Variants in DCLK2 observed in about 807,000 individuals in gnomAD.
DCLK2 encodes the protein serine/threonine-protein kinase DCLK2.
Under a neutral mutation model 78.4 loss-of-function variants are expected in DCLK2, and 31 were observed. The ratio of observed to expected loss-of-function variants is 0.40; its 90% CI spans 0.30 to 0.53. The LOEUF (loss-of-function observed/expected upper bound fraction) is 0.53, where lower values mean the gene tolerates loss of function less well. Among genes scored for constraint, DCLK2 ranks in the 20% least tolerant of loss-of-function variants. The pLI is 0.61. For synonymous variants in DCLK2, 407 were observed against 374.9 expected (o/e 1.09, Z -0.99); for missense variants, 872 against 973.7 (o/e 0.90, Z 1.39).
intron 5 of DCLK2, among the ~76,000 whole-genome samples, chr4:150,204,749 G>C (rs776189187): frequency 9.9e-5 from 15 of 151,982 alleles, no homozygotes; most frequent in Non-Finnish European, 1.2e-4. Flanking sequence ...AAAATTAGCC[G>C]GGCCTGGTGG....
At chr4:150,119,559 G>A (rs1324868125) in intron 2 of DCLK2, among the ~76,000 whole-genome samples, 1 of 152,178 alleles carries the variant, frequency 6.6e-6, no homozygotes, top group Non-Finnish European at 1.5e-5. Context: ...TTGTTTTATG[G>A]AAGAATACAT....
chr4:150,193,039 CAATACTT>C, intron 2 of DCLK2, 92 bp from the exon 3 acceptor site: 2 of 728,468 alleles, frequency 2.7e-6, no homozygotes, highest in Non-Finnish European at 4.8e-6. Context: ...TCTTCCACTT[CAATACTT>C]AAAATTCAGG....
At chr4:150,120,038 A>G (rs1400973137) in intron 2 of DCLK2, among the ~76,000 whole-genome samples, 1 of 152,226 alleles carries the variant, frequency 6.6e-6, no homozygotes, top group Non-Finnish European at 1.5e-5. Context: ...GCCTGCTGAT[A>G]GCAATTTGTA....
intron 2 of DCLK2, among the ~76,000 whole-genome samples, chr4:150,104,419 A>AAAAAAAAAAAAAAAAAAAC (rs1731102925): frequency 6.9e-6 from 1 of 145,754 alleles, no homozygotes; most frequent in African/African-American, 2.5e-5. Flanking sequence ...AAAAAAAAAA[A>AAAAAAAAAAAAAAAAAAAC]AAAATCGAGC....
chr4:150,108,268 G>T (rs1731411437), intron 2 of DCLK2, among the ~76,000 whole-genome samples: 1 of 151,958 alleles, frequency 6.6e-6, no homozygotes, highest in Non-Finnish European at 1.5e-5. Flanking sequence ...CAGCACTTTG[G>T]GATGCTGAGG....
In DCLK2 at chr4:150,256,353, G is replaced by C. The variant is rs553352770; in HGVS notation, c.*106G>C. 7.1e-7 allele frequency: 1 copy of C among 1,406,030 alleles called. No individual in the cohort carries two copies. The highest frequency in any genetic ancestry group is 9.3e-7 in the Non-Finnish European group (1 of 1,074,230). The allele number at this position is 1,406,030 out of a possible 1,614,324, so 87.1% of individuals were successfully genotyped here. A position where few individuals can be genotyped will look rare whatever the true frequency, so the allele number is the denominator to read the frequency against. On this transcript the variant is annotated 3_prime_UTR_variant, in exon 16 of 16. Coordinates refer to ENST00000296550, the MANE Select transcript of DCLK2 (RefSeq NM_001040260.4). ...AGGCCTCCCTCTCTTCACCGCCTGCGCCTGAGTTCGCGGGTCCTCCGCAGG... is the reference window on the plus strand; with the variant it reads ...AGGCCTCCCTCTCTTCACCGCCTGCCCCTGAGTTCGCGGGTCCTCCGCAGG...
chr4:150,146,249 TG>T (rs1734464112), intron 2 of DCLK2, among the ~76,000 whole-genome samples: 1 of 152,252 alleles, frequency 6.6e-6, no homozygotes, highest in African/African-American at 2.4e-5. Context: ...ACTCAAGGTC[TG>T]GTCCATGGGC....
rs949808940 is a variant in DCLK2, at chr4:150,247,622, G to C, written c.1798G>C (p.Asp600His). 2 of 1,614,030 alleles carry C rather than the reference G, an allele frequency of 1.2e-6. No homozygotes were observed. The highest frequency in any genetic ancestry group is 3.3e-5 in the Admixed American group (2 of 60,024). The change falls in exon 13 of 16, where the codon GAT (aspartate) becomes CAT (histidine). Residue 600 changes from aspartate to histidine, a missense_variant. Asp to His is a moderately conservative substitution (Grantham distance 81, BLOSUM62 -1). Coordinates refer to ENST00000296550, the MANE Select transcript of DCLK2 (RefSeq NM_001040260.4). Reference sequence around the variant, plus strand: ...GCTTAGTGAGAACAATCTCCAGGAAGATCTCTTCGACCAGATCTTGGCTGG... The same window carrying C: ...GCTTAGTGAGAACAATCTCCAGGAACATCTCTTCGACCAGATCTTGGCTGG... ...PFRSENNLQEDLFDQILAGKL... is the reference protein window; with the variant it reads ...PFRSENNLQEHLFDQILAGKL...
intron 5 of DCLK2, among the ~76,000 whole-genome samples, chr4:150,204,354 GA>G (rs199572686): frequency 0.011 from 1,626 of 152,176 alleles, 32 homozygotes; most frequent in African/African-American, 0.037. Flanking sequence ...ATAACACAAG[GA>G]AAATATGGTC....
intron 2 of DCLK2, among the ~76,000 whole-genome samples, chr4:150,105,593 T>A (rs564671382): frequency 2.6e-5 from 4 of 152,210 alleles, no homozygotes; most frequent in Non-Finnish European, 5.9e-5. Flanking sequence ...ATGTTCTTAC[T>A]ATTTGAACTA....
chr4:150,125,566 AACTATCTAAAAATG>A (rs1025295902), intron 2 of DCLK2, among the ~76,000 whole-genome samples: 2 of 152,192 alleles, frequency 1.3e-5, no homozygotes, highest in South Asian at 2.1e-4. Flanking sequence ...CTATGTTTAT[AACTATCTAAAAATG>A]ACTATCTAAA....
intron 1 of DCLK2, among the ~76,000 whole-genome samples, chr4:150,101,265 A>C (rs1343333418): frequency 6.6e-6 from 1 of 152,156 alleles, no homozygotes; most frequent in South Asian, 2.1e-4. Flanking sequence ...TAAATAAATT[A>C]ATTAAATAAA....
intron 2 of DCLK2, among the ~76,000 whole-genome samples, chr4:150,103,597 ATTTG>A (rs1442925689): frequency 1.4e-5 from 2 of 142,472 alleles, no homozygotes; most frequent in Non-Finnish European, 3.1e-5. Flanking sequence ...CCAAAATTAA[ATTTG>A]TTTCTTTGTT....
intron 2 of DCLK2, among the ~76,000 whole-genome samples, chr4:150,117,342 G>C (rs1409569389): frequency 6.6e-6 from 1 of 152,140 alleles, no homozygotes; most frequent in Non-Finnish European, 1.5e-5. Flanking sequence ...TCTGTGCTCA[G>C]AACTCAAAAA....
chr4:150,240,802 A>G lies in DCLK2; in HGVS notation c.1778+326A>G, dbSNP rs567715613. Among the ~76,000 whole-genome samples the G allele has an allele frequency of 3.3e-5, 5 of 152,098 alleles. No individual in the cohort carries two copies. In the East Asian group the frequency reaches 7.7e-4, roughly 23 times the overall value. On this transcript the variant is annotated intron_variant, in intron 12 of 15. Transcript: ENST00000296550. ...AAAATCAGAAAAAAAAAATTACATA[A>G]AACACCTTTCGCTTTTTAATTTACA...
rs1728994752 is a variant in DCLK2 at position 150,078,697 on chromosome 4, C to T, written c.-331C>T. 5.2e-6 allele frequency: 1 copy of T among 193,722 alleles called. No individual in the cohort carries two copies. Among genetic ancestry groups the T allele is most frequent in the African/African-American group, 2.3e-5 (1 of 43,252 alleles). 12.0% of individuals were successfully genotyped at this position (193,722 alleles called of 1,614,324 possible). On this transcript the variant is annotated 5_prime_UTR_variant, in exon 1 of 16. Coordinates refer to ENST00000296550, the MANE Select transcript of DCLK2 (RefSeq NM_001040260.4). ...CCTCGGGCGGCCCAACTTTGCCTCT[C>T]CCGGTCGGCTCCCGAGCGGGACTTG...
chr4:150,122,507 A>G (rs572935451), intron 2 of DCLK2, among the ~76,000 whole-genome samples: 2 of 152,328 alleles, frequency 1.3e-5, no homozygotes, highest in East Asian at 3.9e-4. Context: ...ACAGGAAGAG[A>G]AAACTAAACA....
chr4:150,239,683 C>T, intron 10 of DCLK2, 59 bp from the exon 11 acceptor site: 1 of 1,591,366 alleles, frequency 6.3e-7, no homozygotes, highest in South Asian at 1.1e-5. Flanking sequence ...TTCCAAGAGC[C>T]CTCTCACAAT....
chr4:150,193,701 T>C (rs964371619), intron 3 of DCLK2, among the ~76,000 whole-genome samples: 4 of 152,026 alleles, frequency 2.6e-5, no homozygotes, highest in African/African-American at 9.7e-5. Context: ...CTATCAATGG[T>C]GATTATCTGA....
Sources: allele counts gnomAD v4.1 joint callset (sites outside exome capture counted in the v4.1 genomes callset), GRCh38; gene constraint gnomAD v4.1.1; transcripts MANE v1.5; gene names NCBI Gene and HGNC (gene_info 2026-07-23, HGNC 2026-07-21).